The following CTH variants were observed in gnomAD, a reference collection of about 807,000 sequenced individuals.
CTH encodes cystathionase (cystathionine gamma-lyase).
Under a neutral mutation model 50.6 loss-of-function variants are expected in CTH, and 41 were observed. The ratio of observed to expected loss-of-function variants is 0.81; its 90% CI spans 0.63 to 1.05. The LOEUF (loss-of-function observed/expected upper bound fraction) is 1.05, where lower values mean the gene tolerates loss of function less well. Among genes scored for constraint, CTH ranks in the 50% least tolerant of loss-of-function variants. The pLI is 0.00. For synonymous variants in CTH, 156 were observed against 168.9 expected (o/e 0.92, Z 0.59); for missense variants, 470 against 492.6 (o/e 0.95, Z 0.43).
chr1:70,433,710 C>T lies in CTH; in HGVS notation c.878-118C>T, dbSNP rs1684531211. The T allele has an allele frequency of 4.1e-6, 6 of 1,461,800 alleles. No homozygotes were observed. The South Asian group carries it at 7.2e-5, about 18-fold the overall frequency. 90.6% of individuals were successfully genotyped at this position (1,461,800 alleles called of 1,614,324 possible). On this transcript the variant is annotated intron_variant, in intron 8 of 11. Coordinates refer to ENST00000370938, the MANE Select transcript of CTH (RefSeq NM_001902.6). ...AGCAAGTAGTCAGATGTGAGCATGG[C>T]ATAATCCTCGTCTTAGGCTTATTTG...
chr1:70,438,259 C>T (rs1684638563), intron 10 of CTH, among the ~76,000 whole-genome samples: 1 of 152,144 alleles, frequency 6.6e-6, no homozygotes, highest in African/African-American at 2.4e-5. Context: ...TGGATTGATT[C>T]AGAGGAAACT....
chr1:70,423,814 T>C (rs1047275156), intron 4 of CTH, among the ~76,000 whole-genome samples: 1 of 152,206 alleles, frequency 6.6e-6, no homozygotes, highest in South Asian at 2.1e-4. Flanking sequence ...TATTCTATAG[T>C]TTCTAGAGTT....
intron 10 of CTH, 128 bp from the exon 11 acceptor site, chr1:70,438,560 T>C: frequency 1.0e-6 from 1 of 961,076 alleles, no homozygotes; most frequent in Non-Finnish European, 1.7e-6. Flanking sequence ...TGCCTGTGAA[T>C]TATAGGGGTA....
Position 70,433,887 on chromosome 1 carries a change from A to T in CTH, c.937A>T (p.Met313Leu). 1 of 1,614,082 alleles carries T rather than the reference A, an allele frequency of 6.2e-7. No homozygotes were observed. The highest frequency in any genetic ancestry group is 8.5e-7 in the Non-Finnish European group (1 of 1,179,996). ...GCGTCAGTGTACAGGTTGTACAGGGATGGTCACCTTTTATATTAAGGGCAC... is the reference window on the plus strand; with the variant it reads ...GCGTCAGTGTACAGGTTGTACAGGGTTGGTCACCTTTTATATTAAGGGCAC... ...VKRQCTGCTG[M>L]VTFYIKGTLQ... Residue 313 changes from methionine (M) to leucine (L), a missense_variant, in exon 9 of 12, where the codon ATG (methionine) becomes TTG (leucine). Met to Leu is a conservative substitution (Grantham distance 15, BLOSUM62 2). Transcript: ENST00000370938.
intron 3 of CTH, among the ~76,000 whole-genome samples, chr1:70,419,240 T>G (rs904179176): frequency 1.3e-5 from 2 of 152,244 alleles, no homozygotes; most frequent in Middle Eastern, 6.8e-3. Context: ...ACATTTGGGT[T>G]GGTTCCAAGT....
In CTH at chr1:70,422,756, C is replaced by T. The variant is rs141707238; in HGVS notation, c.456+1081C>T. Reference sequence around the variant, plus strand: ...CCTACCGAGTAGCTGGGATTACAGGCGCCCATCACCATGCTCAGCTAATTT... The same window carrying T: ...CCTACCGAGTAGCTGGGATTACAGGTGCCCATCACCATGCTCAGCTAATTT... On this transcript the variant is annotated intron_variant, in intron 4 of 11. Coordinates refer to ENST00000370938, the MANE Select transcript of CTH (RefSeq NM_001902.6). 1.2e-3 allele frequency among the ~76,000 whole-genome samples: 188 copies of T among 152,068 alleles called. 1 individual carries two copies. The highest frequency in any genetic ancestry group is 4.1e-3 in the African/African-American group (171 of 41,484).
chr1:70,432,382 CTG>C, intron 8 of CTH, 147 bp downstream of exon 8: 1 of 953,750 alleles, frequency 1.0e-6, no homozygotes, highest in Non-Finnish European at 1.6e-6. Context: ...GTGTCAGGCT[CTG>C]TGGTGGGTCA....
rs1485817651 is a variant in CTH at position 70,415,905 on chromosome 1, C to G, written c.169-51C>G. On this transcript the variant is annotated intron_variant, in intron 1 of 11. Coordinates refer to ENST00000370938, the MANE Select transcript of CTH (RefSeq NM_001902.6). ...AACTATAGTTCTCTATGTTAGGACT[C>G]TGATAATAAACTGAAATCTCTTAGG... 5 of 973,976 alleles carry G rather than the reference C, an allele frequency of 5.1e-6. No individual in the cohort carries two copies. In the South Asian group the frequency reaches 5.1e-5, roughly 10 times the overall value. The allele number at this position is 973,976 out of a possible 1,614,324, so 60.3% of individuals were successfully genotyped here.
At position 70,411,366 on chromosome 1, in the gene CTH, T is replaced by C; in HGVS notation, c.-50T>C. 1 of 1,606,620 alleles carries C rather than the reference T, an allele frequency of 6.2e-7. No homozygotes were observed. Among genetic ancestry groups the C allele is most frequent in the Non-Finnish European group, 8.5e-7 (1 of 1,173,256 alleles). On this transcript the variant is annotated 5_prime_UTR_variant, in exon 1 of 12. Coordinates refer to ENST00000370938, the MANE Select transcript of CTH (RefSeq NM_001902.6). ...CCAACCCCGGACACCCGGCTTCGAC[T>C]GGTTATATCTTCGGTGTTCTTTTCC...
At position 70,415,871 on chromosome 1, in the gene CTH, G is replaced by T. The variant is rs1684079717; in HGVS notation, c.169-85G>T. On this transcript the variant is annotated intron_variant, in intron 1 of 11. Transcript: ENST00000370938. ...GACTAAAGAATAGAAACTAATTATG[G>T]TAGGGTGAAACTATAGTTCTCTATG... The T allele has an allele frequency of 6.4e-6, 5 of 785,522 alleles. No homozygotes were observed. The East Asian group carries it at 1.2e-4, about 20-fold the overall frequency. The allele number at this position is 785,522 out of a possible 1,614,324, so 48.7% of individuals were successfully genotyped here. A position where few individuals can be genotyped will look rare whatever the true frequency, so the allele number is the denominator to read the frequency against.
intron 6 of CTH, 139 bp from the exon 7 acceptor site, chr1:70,430,178 A>G (rs1684432923): frequency 1.5e-6 from 1 of 662,132 alleles, no homozygotes; most frequent in South Asian, 1.8e-5. Flanking sequence ...AATAAAGGTT[A>G]CTTAAACTTA....
At chr1:70,433,408 T>C (rs1462912131) in intron 8 of CTH, among the ~76,000 whole-genome samples, 2 of 152,184 alleles carry the variant, frequency 1.3e-5, no homozygotes, top group African/African-American at 4.8e-5. Flanking sequence ...ATTCAAGAAA[T>C]TTTTATTAAA....
At chr1:70,431,367 T>C (rs775140224) in intron 7 of CTH, among the ~76,000 whole-genome samples, 4 of 152,206 alleles carry the variant, frequency 2.6e-5, no homozygotes, top group Admixed American at 6.5e-5. Flanking sequence ...AGGGCTTTCA[T>C]ATACTATACC....
In CTH at chr1:70,424,340, G is replaced by C. The variant is rs148637178; in HGVS notation, c.512G>C (p.Gly171Ala). 367 of 1,614,060 alleles carry C rather than the reference G, an allele frequency of 2.3e-4. No individual in the cohort carries two copies. In the African/African-American group the frequency reaches 4.5e-3, roughly 20 times the overall value. The change falls in exon 5 of 12, where the codon GGC becomes GCC. Residue 171 changes from glycine to alanine, a missense_variant. Gly to Ala is a moderately conservative substitution (Grantham distance 60). Coordinates refer to ENST00000370938, the MANE Select transcript of CTH (RefSeq NM_001902.6). ...NPTQKVIDIE[G>A]CAHIVHKHGD... Reference sequence around the variant, plus strand: ...ACCCAGAAGGTGATTGACATTGAAGGCTGTGCACATATTGTCCATAAGCAT... The same window carrying C: ...ACCCAGAAGGTGATTGACATTGAAGCCTGTGCACATATTGTCCATAAGCAT...
chr1:70,431,629 A>G (rs1163031540), intron 7 of CTH, among the ~76,000 whole-genome samples: 2 of 152,234 alleles, frequency 1.3e-5, no homozygotes, highest in Non-Finnish European at 2.9e-5. Context: ...AATGAAGTAT[A>G]TATCCTGGAG....
At chr1:70,427,922 A>C (rs1684382697) in intron 5 of CTH, among the ~76,000 whole-genome samples, 1 of 152,130 alleles carries the variant, frequency 6.6e-6, no homozygotes, top group African/African-American at 2.4e-5. Flanking sequence ...CATGTTGGCC[A>C]GGCTGGTCTC....
At chr1:70,430,583 C>T (rs1383609244) in intron 7 of CTH, among the ~76,000 whole-genome samples, 189 bp downstream of exon 7, 3 of 151,332 alleles carry the variant, frequency 2.0e-5, no homozygotes, top group African/African-American at 4.9e-5. Flanking sequence ...ACTCTGTTGC[C>T]CAGGCGGGAG....
intron 8 of CTH, among the ~76,000 whole-genome samples, chr1:70,432,860 T>A (rs1032791317): frequency 1.3e-5 from 2 of 152,078 alleles, no homozygotes; most frequent in African/African-American, 2.4e-5. Context: ...TTTTTTGTAT[T>A]TTTAGTAAAG....
chr1:70,413,210 T>C (rs1041740486), intron 1 of CTH, among the ~76,000 whole-genome samples: 1 of 152,160 alleles, frequency 6.6e-6, no homozygotes, highest in African/African-American at 2.4e-5. Flanking sequence ...GAATACTCTT[T>C]ACTGTATTTT....
Sources: gnomAD v4.1 joint callset for allele counts (sites outside exome capture counted in the v4.1 genomes callset) on GRCh38, gnomAD v4.1.1 for gene constraint, MANE v1.5 for transcripts, NCBI Gene and HGNC (gene_info 2026-07-23, HGNC 2026-07-21) for gene names.